Variants in AUTS2 observed in about 807,000 individuals in gnomAD.
The protein encoded by AUTS2 is activator of transcription and developmental regulator AUTS2.
In AUTS2, 17 loss-of-function variants were observed where a neutral mutation model predicts 112.4. The observed-to-expected ratio is 0.15, with a 90% CI of 0.10 to 0.23. AUTS2 has a LOEUF of 0.23. Among genes scored for constraint, AUTS2 ranks in the 10% least tolerant of loss-of-function variants. The pLI is 1.00. For synonymous variants in AUTS2, 751 were observed against 702.7 expected (o/e 1.07, Z -1.09); for missense variants, 1,510 against 1,701.6 (o/e 0.89, Z 1.98).
chr7:70,335,610 C>T (rs1388894224), intron 4 of AUTS2, among the ~76,000 whole-genome samples: 1 of 152,216 alleles, frequency 6.6e-6, no homozygotes, highest in Non-Finnish European at 1.5e-5. Context: ...CATTAGCGTA[C>T]TTCATCACAG....
intron 5 of AUTS2, among the ~76,000 whole-genome samples, chr7:70,621,456 A>G (rs906805220): frequency 6.6e-6 from 1 of 152,160 alleles, no homozygotes; most frequent in African/African-American, 2.4e-5. Flanking sequence ...TTTCCAAATT[A>G]TTTCCAGCAA....
chr7:70,183,753 C>A (rs753786858), intron 4 of AUTS2, among the ~76,000 whole-genome samples: 1 of 152,106 alleles, frequency 6.6e-6, no homozygotes, highest in Non-Finnish European at 1.5e-5. Flanking sequence ...CTCTAAATAG[C>A]CCCCTGGAGG....
chr7:69,640,629 A>G (rs536046047), intron 1 of AUTS2, among the ~76,000 whole-genome samples: 1 of 152,348 alleles, frequency 6.6e-6, no homozygotes, highest in African/African-American at 2.4e-5. Context: ...TCAATTTAAT[A>G]TTAGCATATT....
chr7:69,822,058 G>C (rs1791025152), intron 1 of AUTS2, among the ~76,000 whole-genome samples: 2 of 152,164 alleles, frequency 1.3e-5, no homozygotes, highest in Non-Finnish European at 2.9e-5. Context: ...TGACTGGAGG[G>C]AAGTAGATGG....
intron 3 of AUTS2, among the ~76,000 whole-genome samples, chr7:70,129,257 A>T (rs1004557731): frequency 6.6e-6 from 1 of 152,226 alleles, no homozygotes; most frequent in African/African-American, 2.4e-5. Context: ...TGAAAGCACA[A>T]TAAAGAACTG....
At chr7:70,124,920 C>CCTTTTTTTTTTT (rs1171107293) in intron 3 of AUTS2, among the ~76,000 whole-genome samples, 2 of 152,120 alleles carry the variant, frequency 1.3e-5, no homozygotes, top group Non-Finnish European at 2.9e-5. Flanking sequence ...AAGATGACTA[C>CCTTTTTTTTTTT]TGGTTTTTGT....
intron 4 of AUTS2, among the ~76,000 whole-genome samples, chr7:70,136,340 A>C (rs910779746): frequency 6.6e-6 from 1 of 152,206 alleles, no homozygotes; most frequent in Non-Finnish European, 1.5e-5. Context: ...TCAGCTTTCA[A>C]CTGTGACAAA....
chr7:70,771,447 C>T (rs528099908), intron 10 of AUTS2, 102 bp from the exon 11 acceptor site: 32 of 884,238 alleles, frequency 3.6e-5, no homozygotes, highest in Admixed American at 1.2e-4. Context: ...ACTGAGATTA[C>T]GTGGCTTGCT....
chr7:70,571,484 G>A (rs1314325421), intron 5 of AUTS2, among the ~76,000 whole-genome samples: 2 of 152,190 alleles, frequency 1.3e-5, no homozygotes, highest in Non-Finnish European at 2.9e-5. Flanking sequence ...AGGACAGGAT[G>A]GAAGACCAGT....
At chr7:69,865,790 C>T (rs1037340717) in intron 1 of AUTS2, among the ~76,000 whole-genome samples, 1 of 152,042 alleles carries the variant, frequency 6.6e-6, no homozygotes, top group East Asian at 1.9e-4. Context: ...CAGTAATAGC[C>T]CAATTTTTAT....
intron 4 of AUTS2, among the ~76,000 whole-genome samples, chr7:70,355,238 C>T (rs942552599): frequency 9.2e-5 from 14 of 152,116 alleles, no homozygotes; most frequent in Middle Eastern, 3.4e-3. Flanking sequence ...CTGGTTGTTT[C>T]ACTTCCAGAA....
intron 6 of AUTS2, among the ~76,000 whole-genome samples, chr7:70,716,738 C>G (rs972587382): frequency 2.0e-5 from 3 of 149,388 alleles, no homozygotes; most frequent in Non-Finnish European, 4.4e-5. Context: ...GGTGGAAGAT[C>G]CTGGTGATGC....
At chr7:70,004,716 A>G (rs563203664) in intron 2 of AUTS2, among the ~76,000 whole-genome samples, 59 of 151,232 alleles carry the variant, frequency 3.9e-4, no homozygotes, top group African/African-American at 1.4e-3. Flanking sequence ...GAGCTGGGGG[A>G]AAAAAAATTA....
At chr7:69,881,454 TG>T (rs1794043295) in intron 1 of AUTS2, among the ~76,000 whole-genome samples, 1 of 152,204 alleles carries the variant, frequency 6.6e-6, no homozygotes, top group South Asian at 2.1e-4. Flanking sequence ...TAACTATTTT[TG>T]TATGCATTTA....
chr7:70,435,727 C>CTTA, intron 4 of AUTS2, 25 bp from the exon 5 acceptor site: 1 of 1,613,790 alleles, frequency 6.2e-7, no homozygotes, highest in Non-Finnish European at 8.5e-7. Context: ...TGCACTAACC[C>CTTA]TTATTCTCTT....
At chr7:70,628,214 A>G (rs1395340818) in intron 5 of AUTS2, among the ~76,000 whole-genome samples, 2 of 152,098 alleles carry the variant, frequency 1.3e-5, no homozygotes, top group Non-Finnish European at 2.9e-5. Flanking sequence ...TTTATTTGCC[A>G]TGGTGGGACA....
chr7:69,769,924 G>A (rs562842953), intron 1 of AUTS2, among the ~76,000 whole-genome samples: 4 of 152,352 alleles, frequency 2.6e-5, no homozygotes, highest in Non-Finnish European at 5.9e-5. Flanking sequence ...CATGTAGCAA[G>A]TGTTTCAGTA....
intron 5 of AUTS2, among the ~76,000 whole-genome samples, chr7:70,532,612 C>T (rs538890818): frequency 3.3e-5 from 5 of 152,118 alleles, no homozygotes; most frequent in Non-Finnish European, 5.9e-5. Flanking sequence ...ATCCAGCTAC[C>T]CACAAGAAAC....
chr7:69,995,992 A>G (rs1330877038), intron 2 of AUTS2, among the ~76,000 whole-genome samples: 2 of 152,328 alleles, frequency 1.3e-5, no homozygotes, highest in Non-Finnish European at 2.9e-5. Flanking sequence ...GAAGCGAAGT[A>G]CTTTCCAATA....
Sources: allele counts gnomAD v4.1 joint callset (sites outside exome capture counted in the v4.1 genomes callset), GRCh38; gene constraint gnomAD v4.1.1; transcripts MANE v1.5; gene names NCBI Gene and HGNC (gene_info 2026-07-23, HGNC 2026-07-21).